EBF4: variants seen among roughly 807,000 people sequenced by gnomAD.
EBF4 encodes transcription factor COE4.
A neutral mutation model predicts 67.1 loss-of-function variants in EBF4; 34 were observed. The ratio of observed to expected loss-of-function variants is 0.51; its 90% CI spans 0.39 to 0.67. The LOEUF (loss-of-function observed/expected upper bound fraction) is 0.67. Among genes scored for constraint, EBF4 ranks in the 30% least tolerant of loss-of-function variants. The pLI is 0.00. For synonymous variants in EBF4, 387 were observed against 377.7 expected, an observed-to-expected ratio of 1.02 and a Z score of -0.29; for missense variants, 837 against 873.3, an observed-to-expected ratio of 0.96 and a Z score of 0.52.
At chr20:2,726,945 C>T (rs76834539) in intron 6 of EBF4, among the ~76,000 whole-genome samples, 2 of 152,234 alleles carry the variant, frequency 1.3e-5, no homozygotes, top group South Asian at 2.1e-4. Flanking sequence ...CCCTCTCCCC[C>T]CAGCCCGTAG....
At chr20:2,743,830 C>T (rs184845644) in intron 6 of EBF4, among the ~76,000 whole-genome samples, 1 of 152,084 alleles carries the variant, frequency 6.6e-6, no homozygotes, top group Non-Finnish European at 1.5e-5. Flanking sequence ...TCACAGGGTA[C>T]AAGTGAAAGT....
At chr20:2,753,339 A>G (rs1260279345) in intron 14 of EBF4, among the ~76,000 whole-genome samples, 2 of 152,176 alleles carry the variant, frequency 1.3e-5, no homozygotes, top group Non-Finnish European at 2.9e-5. Context: ...CAATGTCTGC[A>G]TGTCATGAGT....
chr20:2,740,494 A>G (rs1028406), intron 6 of EBF4, among the ~76,000 whole-genome samples: 57,103 of 152,040 alleles, frequency 0.38, 11,534 homozygotes, highest in African/African-American at 0.5. Flanking sequence ...CCTGTAGTGG[A>G]AAATGCACTC....
chr20:2,711,367 A>T (rs1302794094), intron 6 of EBF4, among the ~76,000 whole-genome samples: 2 of 152,096 alleles, frequency 1.3e-5, no homozygotes, highest in Non-Finnish European at 2.9e-5. Flanking sequence ...ATTGCTGGAC[A>T]TTTTGGTTGT....
chr20:2,710,285 A>G (rs1014404608), intron 6 of EBF4, among the ~76,000 whole-genome samples: 3 of 151,998 alleles, frequency 2.0e-5, no homozygotes, highest in African/African-American at 7.3e-5. Context: ...GGTAATTGGG[A>G]CTACAAGGAC....
rs2087475692 is a variant in EBF4 at position 2,707,505 on chromosome 20, G to T, written c.415-442G>T. 6.6e-6 allele frequency among the ~76,000 whole-genome samples: 1 copy of T among 152,058 alleles called. No individual in the cohort carries two copies. The highest frequency in any genetic ancestry group is 2.4e-5 in the African/African-American group (1 of 41,370). On this transcript the variant is annotated intron_variant, in intron 4 of 16. Transcript: ENST00000609451. The surrounding 1 kb of genome is among the most constrained non-coding windows in gnomAD (Gnocchi z 4.6). Reference sequence around the variant, plus strand: ...CCCTCGGAGCTGACTGGGCTGGCAGGGATAGCTGAGAAGGACAACACTCAT... The same window carrying T: ...CCCTCGGAGCTGACTGGGCTGGCAGTGATAGCTGAGAAGGACAACACTCAT...
intron 1 of EBF4, among the ~76,000 whole-genome samples, chr20:2,699,794 A>G (rs2087348308): frequency 6.6e-6 from 1 of 152,200 alleles, no homozygotes; most frequent in South Asian, 2.1e-4. Flanking sequence ...CAGGTGAGGC[A>G]GTTCTTACTT....
chr20:2,718,430 T>C (rs2087638745), intron 6 of EBF4, among the ~76,000 whole-genome samples: 1 of 152,202 alleles, frequency 6.6e-6, no homozygotes, highest in South Asian at 2.1e-4. Context: ...GAGTTTTCTT[T>C]GTTGGAAGGA....
At chr20:2,706,364 C>A in intron 4 of EBF4, 100 bp downstream of exon 4, 2 of 1,365,584 alleles carry the variant, frequency 1.5e-6, no homozygotes, top group Non-Finnish European at 2.0e-6. Flanking sequence ...CCTCATCTCC[C>A]TATGCCCTCC....
chr20:2,711,121 C>G (rs1433076101), intron 6 of EBF4, among the ~76,000 whole-genome samples: 1 of 150,902 alleles, frequency 6.6e-6, no homozygotes, highest in Non-Finnish European at 1.5e-5. Context: ...GCACTCCAGT[C>G]TGGGCAACAG....
chr20:2,724,513 A>T (rs2087724162), intron 6 of EBF4, among the ~76,000 whole-genome samples: 1 of 151,918 alleles, frequency 6.6e-6, no homozygotes, highest in Non-Finnish European at 1.5e-5. Context: ...TCTTTGTATG[A>T]CTCCGTTTCT....
intron 1 of EBF4, among the ~76,000 whole-genome samples, chr20:2,694,144 G>C (rs908368324): frequency 2.0e-5 from 3 of 152,262 alleles, no homozygotes; most frequent in African/African-American, 7.2e-5. Flanking sequence ...TCCTTCCTGG[G>C]CAGTCCCAGT....
intron 6 of EBF4, among the ~76,000 whole-genome samples, chr20:2,717,245 C>G (rs1349563323): frequency 6.6e-6 from 1 of 152,038 alleles, no homozygotes; most frequent in African/African-American, 2.4e-5. Context: ...ACTAGGTAAA[C>G]AGTACACTTA....
At chr20:2,752,300 C>T (rs1207328601) in intron 13 of EBF4, 37 bp downstream of exon 13, 5 of 1,206,286 alleles carry the variant, frequency 4.1e-6, no homozygotes, top group Middle Eastern at 3.3e-4. Flanking sequence ...CCTCGGGCGC[C>T]GCCACCGCCC....
chr20:2,723,827 C>T (rs765462153), intron 6 of EBF4, among the ~76,000 whole-genome samples: 1 of 151,944 alleles, frequency 6.6e-6, no homozygotes, highest in Admixed American at 6.6e-5. Flanking sequence ...CCATTTTCTA[C>T]CATATTGCTT....
chr20:2,752,860 G>T (rs1332557433), intron 14 of EBF4, among the ~76,000 whole-genome samples: 1 of 152,214 alleles, frequency 6.6e-6, no homozygotes, highest in Admixed American at 6.5e-5. Flanking sequence ...TGGGTGGCGG[G>T]CGTCCATCTG....
intron 5 of EBF4, among the ~76,000 whole-genome samples, chr20:2,709,234 G>A (rs979485754): frequency 3.3e-5 from 5 of 152,104 alleles, no homozygotes. Context: ...TGAGCTCACC[G>A]TTTGAGCTCC....
At chr20:2,705,936 C>CCT in intron 2 of EBF4, 38 bp from the exon 3 acceptor site, 1 of 1,543,932 alleles carries the variant, frequency 6.5e-7, no homozygotes, top group African/African-American at 1.4e-5. Context: ...CTGGAGGATC[C>CCT]CTGAGCACCC....
intron 6 of EBF4, among the ~76,000 whole-genome samples, chr20:2,742,281 G>A (rs914044557): frequency 5.9e-5 from 9 of 152,194 alleles, no homozygotes; most frequent in Admixed American, 3.3e-4. Context: ...GTTGCAGACC[G>A]ACACGACCTG....
Sources: gnomAD v4.1 joint callset for allele counts (sites outside exome capture counted in the v4.1 genomes callset) on GRCh38, gnomAD v4.1.1 for gene constraint, Gnocchi (gnomAD v3.1) non-coding constraint, MANE v1.5 for transcripts, NCBI Gene and HGNC (gene_info 2026-07-23, HGNC 2026-07-21) for gene names.